The following SEPTIN8 variants were observed in gnomAD, a reference collection of about 807,000 sequenced individuals.
The protein encoded by SEPTIN8 is septin-8.
In SEPTIN8, 22 loss-of-function variants were observed where a neutral mutation model predicts 53.1. The ratio of observed to expected loss-of-function variants is 0.41; its 90% CI spans 0.30 to 0.59. The LOEUF is 0.59. SEPTIN8 is among the 20% of genes least tolerant of loss of function. The pLI is 0.24. For synonymous variants in SEPTIN8, 228 were observed against 248.4 expected (o/e 0.92, Z 0.77); for missense variants, 536 against 638.7 (o/e 0.84, Z 1.73).
chr5:132,765,366 GT>G, intron 2 of SEPTIN8, 42 bp downstream of exon 2: 1 of 1,608,456 alleles, frequency 6.2e-7, no homozygotes, highest in Non-Finnish European at 8.5e-7. Flanking sequence ...CTCCCAGGAG[GT>G]TCTCACCCAC....
intron 1 of SEPTIN8, among the ~76,000 whole-genome samples, chr5:132,775,153 C>A (rs1757671599): frequency 1.3e-5 from 2 of 152,188 alleles, no homozygotes; most frequent in South Asian, 4.1e-4. Context: ...GCCCTGGCCA[C>A]CCCGCAGCTA....
At chr5:132,758,922 G>T in intron 9 of SEPTIN8, 1 of 1,098,962 alleles carries the variant, frequency 9.1e-7, no homozygotes, top group Non-Finnish European at 1.4e-6. Flanking sequence ...GATGGACACC[G>T]TGAAAGGGCA....
rs1481277580 is a variant in SEPTIN8 at position 132,752,116 on chromosome 5, T to A, written c.1352A>T (p.Lys451Met). 1.9e-6 allele frequency: 3 copies of A among 1,598,768 alleles called. No homozygotes were observed. The highest frequency in any genetic ancestry group is 1.7e-5 in the Admixed American group (1 of 57,844). Residue 451 changes from lysine to methionine, a missense_variant, in exon 10 of 10, where the codon AAG (lysine) becomes ATG (methionine). Coordinates refer to ENST00000378719, the MANE Select transcript of SEPTIN8 (RefSeq NM_001098811.2). Reference sequence around the variant, plus strand: ...GCAGTTCAAGGGCTCCACACTGGCCTTGGTCATCATCACCTTAGAGCTGGA... The same window carrying A: ...GCAGTTCAAGGGCTCCACACTGGCCATGGTCATCATCACCTTAGAGCTGGA... Reference protein sequence around the residue: ...SLSSSKVMMTKASVEPLNCSS... With the variant: ...SLSSSKVMMTMASVEPLNCSS...
chr5:132,755,324 G>C (rs1261648137), intron 9 of SEPTIN8, among the ~76,000 whole-genome samples: 1 of 152,064 alleles, frequency 6.6e-6, no homozygotes, highest in Non-Finnish European at 1.5e-5. Context: ...CTGTCCCCTA[G>C]GGCTTTCTAC....
At chr5:132,758,629 G>C in intron 9 of SEPTIN8, 1 of 1,592,308 alleles carries the variant, frequency 6.3e-7, no homozygotes, top group Admixed American at 1.8e-5. Flanking sequence ...AGAGAGGGGT[G>C]GCCCGCCAGG....
intron 9 of SEPTIN8, chr5:132,756,330 G>A (rs1755337786): frequency 3.1e-6 from 3 of 979,400 alleles, no homozygotes; most frequent in African/African-American, 3.5e-5. Context: ...TTGATCTGGT[G>A]TAATTAATAG....
intron 9 of SEPTIN8, chr5:132,759,109 C>A: frequency 1.8e-6 from 1 of 558,550 alleles, no homozygotes; most frequent in Non-Finnish European, 3.5e-6. Context: ...AACACCCCTG[C>A]CCCCATTCCA....
In SEPTIN8 at chr5:132,776,419, C is replaced by T. The variant is rs1013864628; in HGVS notation, c.30+689G>A. Among the ~76,000 whole-genome samples, 4 of 152,366 alleles carry T rather than the reference C, an allele frequency of 2.6e-5. No individual in the cohort carries two copies. Among genetic ancestry groups the T allele is most frequent in the African/African-American group, 7.2e-5 (3 of 41,588 alleles). On this transcript the variant is annotated intron_variant, in intron 1 of 9. Coordinates refer to ENST00000378719, the MANE Select transcript of SEPTIN8 (RefSeq NM_001098811.2). This position sits in a 1 kb window ranked among gnomAD's most constrained non-coding sequence, Gnocchi z 4.4. ...CTGCAGGGACCACCAGGGACATCAA[C>T]CTTCTGAGGACCTGGACTGGAGCCC... is the stretch of plus-strand genomic sequence containing the variant.
At chr5:132,777,287 G>T (rs1757899273), upstream of SEPTIN8, 1 of 1,101,740 alleles carries the variant, frequency 9.1e-7, no homozygotes, top group Non-Finnish European at 1.1e-6. The surrounding 1 kb of genome is among the most constrained non-coding windows in gnomAD (Gnocchi z 4.1). Flanking sequence ...CGGCGGCGGC[G>T]GGAGAAGCCG....
intron 1 of SEPTIN8, among the ~76,000 whole-genome samples, chr5:132,772,573 C>T (rs981255588): frequency 6.6e-6 from 1 of 152,204 alleles, no homozygotes; most frequent in African/African-American, 2.4e-5. Flanking sequence ...AGAAGGCAGC[C>T]TCTGTTTCAC....
chr5:132,759,390 G>A (rs972933106), intron 9 of SEPTIN8, among the ~76,000 whole-genome samples: 1 of 152,148 alleles, frequency 6.6e-6, no homozygotes. Context: ...CCCCCACCCC[G>A]AGGGCTGTGC....
intron 9 of SEPTIN8, among the ~76,000 whole-genome samples, chr5:132,752,481 CAG>C (rs1019830410): frequency 1.3e-5 from 2 of 152,084 alleles, no homozygotes; most frequent in Non-Finnish European, 2.9e-5. Context: ...TGTGGGGAGT[CAG>C]GGGTATGTCT....
Position 132,762,521 on chromosome 5 carries a change from T to C in SEPTIN8, c.659A>G (p.Asp220Gly). 2 of 1,614,248 alleles carry C rather than the reference T, an allele frequency of 1.2e-6. No homozygotes were observed. Among genetic ancestry groups the C allele is most frequent in the Non-Finnish European group, 1.7e-6 (2 of 1,180,038 alleles). Residue 220 changes from aspartate (D) to glycine (G), a missense_variant, in exon 5 of 10, where the codon GAT becomes GGT. By Grantham distance (94) the Asp-to-Gly change is moderately conservative. Transcript: ENST00000378719. ...NGVQIYQFPT[D>G]DEAVAEINAV... ...GTTAATCTCTGCAACAGCCTCATCA[T>C]CCGTGGGGAACTGGTAGATCTGGAC...
At chr5:132,777,390 G>T (rs866118278), upstream of SEPTIN8, 10 of 1,016,180 alleles carry the variant, frequency 9.8e-6, no homozygotes, top group South Asian at 2.3e-4. The surrounding 1 kb of genome is among the most constrained non-coding windows in gnomAD (Gnocchi z 4.1). Context: ...ACGGCCGGGG[G>T]TCTCCGCGGC....
intron 4 of SEPTIN8, among the ~76,000 whole-genome samples, 177 bp from the exon 5 acceptor site, chr5:132,762,822 G>A (rs1459589269): frequency 6.6e-6 from 1 of 152,204 alleles, no homozygotes; most frequent in Non-Finnish European, 1.5e-5. Context: ...GCCACCTGTG[G>A]CCATTCTGAT....
At position 132,760,672 on chromosome 5, in the gene SEPTIN8, G is replaced by T; in HGVS notation, c.1286+130C>A. The T allele has an allele frequency of 1.2e-6, 1 of 850,744 alleles. No individual in the cohort carries two copies. Among genetic ancestry groups the T allele is most frequent in the Non-Finnish European group, 1.8e-6 (1 of 543,394 alleles). 52.7% of individuals were successfully genotyped at this position (850,744 alleles called of 1,614,324 possible). On this transcript the variant is annotated intron_variant, in intron 9 of 9. Transcript: ENST00000378719. The surrounding 1 kb of genome is among the most constrained non-coding windows in gnomAD (Gnocchi z 5.2). ...AGCTGGGGGGAGAGCCACTGAAGAT[G>T]AGGGAAAACCAAACAGGAAAGGGGT... is the stretch of plus-strand genomic sequence containing the variant.
chr5:132,756,717 T>C, intron 9 of SEPTIN8: 2 of 985,436 alleles, frequency 2.0e-6, no homozygotes, highest in Non-Finnish European at 2.4e-6. Context: ...GTCTGTCAAG[T>C]GTCCTGAAGA....
At chr5:132,770,000 T>TATATAC (rs1757032802) in intron 1 of SEPTIN8, among the ~76,000 whole-genome samples, 1 of 47,022 alleles carries the variant, frequency 2.1e-5, no homozygotes, top group African/African-American at 9.0e-5. Flanking sequence ...TATATATATA[T>TATATAC]ATATATATAT....
At position 132,766,368 on chromosome 5, in the gene SEPTIN8, G is replaced by A. The variant is rs75368989; in HGVS notation, c.31-839C>T. Among the ~76,000 whole-genome samples the A allele has an allele frequency of 6.6e-3, 1,009 of 152,326 alleles. 6 individuals are homozygous for A. Among genetic ancestry groups the A allele is most frequent in the African/African-American group, 0.023 (973 of 41,562 alleles). On this transcript the variant is annotated intron_variant, in intron 1 of 9. Transcript: ENST00000378719. Reference sequence around the variant, plus strand: ...GCCTGGCCTTAGCAGAGGGCTGAGCGGCAGGCCCCGAGTGAGCTGGGGCCA... The same window carrying A: ...GCCTGGCCTTAGCAGAGGGCTGAGCAGCAGGCCCCGAGTGAGCTGGGGCCA...
Sources: gnomAD v4.1 joint callset for allele counts (sites outside exome capture counted in the v4.1 genomes callset) on GRCh38, gnomAD v4.1.1 for gene constraint, Gnocchi (gnomAD v3.1) non-coding constraint, MANE v1.5 for transcripts, NCBI Gene and HGNC (gene_info 2026-07-23, HGNC 2026-07-21) for gene names.